NEK10: variants seen among roughly 807,000 people sequenced by gnomAD.
NEK10 encodes NIMA related kinase 10.
A neutral mutation model predicts 159.8 loss-of-function variants in NEK10; 122 were observed. The observed-to-expected ratio is 0.76, with a 90% CI of 0.66 to 0.89. The LOEUF is 0.89. Ranked by LOEUF, NEK10 falls within the 40% of genes least tolerant of loss-of-function variation. NEK10 has a pLI of 0.00. For missense variants in NEK10, 1,342 were observed against 1,323.1 expected, an observed-to-expected ratio of 1.01 and a Z score of -0.22; for synonymous variants, 466 against 457.1, an observed-to-expected ratio of 1.02 and a Z score of -0.25.
chr3:27,285,083 G>A lies in NEK10; in HGVS notation c.1790-122C>T, dbSNP rs2042478774. 4 of 715,392 alleles carry A rather than the reference G, an allele frequency of 5.6e-6. No individual in the cohort carries two copies. The East Asian group carries it at 1.1e-4, about 20-fold the overall frequency. 44.3% of individuals were successfully genotyped at this position (715,392 alleles called of 1,614,324 possible). On this transcript the variant is annotated intron_variant, in intron 20 of 35. Transcript: ENST00000691995. ...CGGGACACTAACACTAAAGAATTAG[G>A]GATGATGTGCTAAAATATGGATCCA...
Position 27,301,757 on chromosome 3 carries a change from A to G in NEK10, c.1107T>C (p.Leu369=). 6.4e-7 allele frequency: 1 copy of G among 1,572,674 alleles called. No homozygotes were observed. Among genetic ancestry groups the G allele is most frequent in the Non-Finnish European group, 8.6e-7 (1 of 1,157,058 alleles). ...SANAAGRIQQ[L]HLSEDLSPRE... is the part of the protein sequence containing the mutation. Reference sequence around the variant, plus strand: ...TAGGGCTCAAGTCTTCTGATAAATGAAGCTGCTGGATTCGGCCTGCAGCAT... The same window carrying G: ...TAGGGCTCAAGTCTTCTGATAAATGGAGCTGCTGGATTCGGCCTGCAGCAT... The change falls in exon 13 of 36, where the codon CTT becomes CTC. Residue 369 remains leucine, a synonymous_variant. Coordinates refer to ENST00000691995, the MANE Select transcript of NEK10 (RefSeq NM_001394966.1).
At chr3:27,184,599 G>T (rs1188144161) in intron 26 of NEK10, among the ~76,000 whole-genome samples, 2 of 152,158 alleles carry the variant, frequency 1.3e-5, no homozygotes, top group Non-Finnish European at 2.9e-5. Flanking sequence ...TGTGAGAATT[G>T]TGTCTGTATT....
At position 27,354,051 on chromosome 3, in the gene NEK10, C is replaced by T. The variant is rs191001252; in HGVS notation, c.-37-1132G>A. On this transcript the variant is annotated intron_variant, in intron 1 of 35. Coordinates refer to ENST00000691995, the MANE Select transcript of NEK10 (RefSeq NM_001394966.1). ...GTTCTAAAATAAATGGAAATCCATTCAAAATAAATAGAATCTAACTTTACT... is the reference window on the plus strand; with the variant it reads ...GTTCTAAAATAAATGGAAATCCATTTAAAATAAATAGAATCTAACTTTACT... Among the ~76,000 whole-genome samples the T allele has an allele frequency of 2.0e-4, 31 of 152,272 alleles. No individual in the cohort carries two copies. In the East Asian group the frequency reaches 5.8e-3, roughly 28 times the overall value.
chr3:27,189,567 G>A (rs1268130874), intron 26 of NEK10, among the ~76,000 whole-genome samples: 2 of 151,802 alleles, frequency 1.3e-5, no homozygotes, highest in Non-Finnish European at 2.9e-5. Context: ...TCATAATACT[G>A]CTTAAGAAAA....
chr3:27,162,427 G>A (rs1428699819), intron 30 of NEK10: 26 of 1,605,978 alleles, frequency 1.6e-5, no homozygotes, highest in Non-Finnish European at 2.1e-5. Flanking sequence ...TGCCCATTGT[G>A]TGCTTAACAT....
intron 26 of NEK10, among the ~76,000 whole-genome samples, chr3:27,176,307 A>C (rs1301971119): frequency 6.6e-6 from 1 of 152,130 alleles, no homozygotes. Flanking sequence ...GATTTTCCAT[A>C]ATTAGTACAT....
intron 22 of NEK10, among the ~76,000 whole-genome samples, chr3:27,260,698 C>T (rs2040330421): frequency 6.6e-6 from 1 of 152,178 alleles, no homozygotes; most frequent in Non-Finnish European, 1.5e-5. Context: ...GGTTGTGTCT[C>T]TGCCAGGCTT....
At chr3:27,116,457 G>C (rs547735597) in intron 33 of NEK10, among the ~76,000 whole-genome samples, 1 of 152,066 alleles carries the variant, frequency 6.6e-6, no homozygotes, top group South Asian at 2.1e-4. Flanking sequence ...CAAATTACCT[G>C]ATGGGTGTTT....
chr3:27,124,681 G>A (rs186246974), intron 32 of NEK10, among the ~76,000 whole-genome samples: 4 of 152,296 alleles, frequency 2.6e-5, no homozygotes, highest in African/African-American at 7.2e-5. Context: ...GTGAAAAAGC[G>A]TGAGGTTTAA....
intron 22 of NEK10, among the ~76,000 whole-genome samples, chr3:27,278,180 T>C (rs1354031062): frequency 6.6e-6 from 1 of 152,234 alleles, no homozygotes; most frequent in Admixed American, 6.5e-5. Context: ...GCCACTGTTT[T>C]AGGCTGTATT....
chr3:27,174,468 C>T lies in NEK10; in HGVS notation c.2747G>A (p.Ser916Asn). The stretch of plus-strand genomic sequence containing the variant: ...TGTAGATTCTTTCAGAGGGCTTGAA[C>T]TGGAGCTGCTGGAGTTATCCGAAAT... ...LDISDNSSSS[S>N]SSPLKESTFN... The change falls in exon 28 of 36, where the codon AGT becomes AAT. Residue 916 changes from serine (S) to asparagine (N), a missense_variant. Transcript: ENST00000691995. 6.2e-7 allele frequency: 1 copy of T among 1,612,346 alleles called. No individual in the cohort carries two copies. Among genetic ancestry groups the T allele is most frequent in the Non-Finnish European group, 8.5e-7 (1 of 1,179,688 alleles).
At chr3:27,239,238 A>T (rs2149251361) in intron 23 of NEK10, among the ~76,000 whole-genome samples, 1 of 152,368 alleles carries the variant, frequency 6.6e-6, no homozygotes, top group South Asian at 2.1e-4. Flanking sequence ...GTGCCCAGAA[A>T]GAATGTAAAA....
chr3:27,238,038 A>G (rs1271944013), intron 23 of NEK10, among the ~76,000 whole-genome samples: 1 of 152,132 alleles, frequency 6.6e-6, no homozygotes, highest in Non-Finnish European at 1.5e-5. Context: ...AGGGTTTTTT[A>G]TTTGGGGATT....
Position 27,202,622 on chromosome 3 carries a change from T to C in NEK10, c.2091-65A>G, listed in dbSNP as rs192885641. 18 of 1,400,898 alleles carry C rather than the reference T, an allele frequency of 1.3e-5. No homozygotes were observed. The East Asian group carries it at 3.9e-4, about 31-fold the overall frequency. 86.8% of individuals were successfully genotyped at this position (1,400,898 alleles called of 1,614,324 possible). Reference sequence around the variant, plus strand: ...GAGAATCCGCTCAGAAAGATCCAATTTTCAAGCTTTATTGGAGTTATTTTT... The same window carrying C: ...GAGAATCCGCTCAGAAAGATCCAATCTTCAAGCTTTATTGGAGTTATTTTT... On this transcript the variant is annotated intron_variant, in intron 23 of 35. Transcript: ENST00000691995.
At chr3:27,156,928 TGATATATA>T in intron 30 of NEK10, among the ~76,000 whole-genome samples, 1 of 28,188 alleles carries the variant, frequency 3.5e-5, no homozygotes, top group Admixed American at 6.8e-4. Flanking sequence ...ATAAAGAAAC[TGATATATA>T]TATATATATA....
intron 11 of NEK10, among the ~76,000 whole-genome samples, chr3:27,305,601 T>A (rs1235037712): frequency 1.5e-5 from 2 of 133,648 alleles, no homozygotes; most frequent in African/African-American, 6.7e-5. Context: ...GACATCTGCA[T>A]TGTGCTAAAG....
At chr3:27,271,371 A>G (rs1575538809) in intron 22 of NEK10, among the ~76,000 whole-genome samples, 2 of 80,706 alleles carry the variant, frequency 2.5e-5, no homozygotes, top group East Asian at 2.4e-4. Context: ...CACTATACAG[A>G]AAAAAAAAAG....
chr3:27,234,231 C>A (rs1271961614), intron 23 of NEK10, among the ~76,000 whole-genome samples: 3 of 152,018 alleles, frequency 2.0e-5, no homozygotes, highest in Non-Finnish European at 1.5e-5. Flanking sequence ...TCTTACAACT[C>A]CTATTCAACA....
chr3:27,159,393 A>G (rs1457282795), intron 30 of NEK10, among the ~76,000 whole-genome samples: 4 of 152,194 alleles, frequency 2.6e-5, no homozygotes, highest in African/African-American at 9.6e-5. Context: ...TCCTCTAAAA[A>G]TGAATTTAAA....
Sources: gnomAD v4.1 joint callset for allele counts (sites outside exome capture counted in the v4.1 genomes callset) on GRCh38, gnomAD v4.1.1 for gene constraint, MANE v1.5 for transcripts, NCBI Gene and HGNC (gene_info 2026-07-23, HGNC 2026-07-21) for gene names.